The following ROPN1L variants were observed in gnomAD, a reference collection of about 807,000 sequenced individuals.
The protein encoded by ROPN1L is rhophilin associated tail protein 1 like.
A neutral mutation model predicts 22.7 loss-of-function variants in ROPN1L; 23 were observed. The observed-to-expected ratio is 1.01, with a 90% CI of 0.73 to 1.43. The LOEUF is 1.43. ROPN1L is among the 40% of genes most tolerant of loss of function. ROPN1L has a pLI of 0.00. For missense variants in ROPN1L, 271 were observed against 291.5 expected (o/e 0.93, Z 0.51); for synonymous variants, 116 against 117.8 (o/e 0.98, Z 0.10).
chr5:10,459,010 A>G (rs1359974235), intron 3 of ROPN1L, among the ~76,000 whole-genome samples: 1 of 146,292 alleles, frequency 6.8e-6, no homozygotes, highest in East Asian at 2.0e-4. Context: ...CATGCTCCCA[A>G]GTCTCCTCCG....
chr5:10,448,726 G>A (rs987548286), intron 2 of ROPN1L, among the ~76,000 whole-genome samples: 2 of 152,224 alleles, frequency 1.3e-5, no homozygotes, highest in African/African-American at 4.8e-5. Flanking sequence ...TTTCCAGTCC[G>A]TTCTCCAGGT....
the ROPN1L span, among the ~76,000 whole-genome samples, chr5:10,480,313 C>T: frequency 7.2e-5 from 11 of 152,078 alleles, no homozygotes; most frequent in East Asian, 1.9e-4. Context: ...GCAATTGATG[C>T]GCAGCCAGAC....
chr5:10,448,708 C>G (rs188347123), intron 2 of ROPN1L, among the ~76,000 whole-genome samples: 1 of 152,272 alleles, frequency 6.6e-6, no homozygotes, highest in African/African-American at 2.4e-5. Context: ...ATTTCAGAAC[C>G]TGGGGGGTTT....
At chr5:10,477,942 A>T in the ROPN1L span, 7 of 152,240 alleles carry the variant, frequency 4.6e-5, no homozygotes, top group Non-Finnish European at 8.8e-5. Context: ...AAAAGAAAAA[A>T]AACTATTCAA....
rs1253001798 is a variant in ROPN1L at position 10,444,843 on chromosome 5, G to C, written c.131+2545G>C. ...GAAACCGGGAAGCAGAGGTTGCAGT[G>C]AGCCAAGATCGTGCCACTGCACTCC... On this transcript the variant is annotated intron_variant, in intron 1 of 4. Coordinates refer to ENST00000274134, the MANE Select transcript of ROPN1L (RefSeq NM_031916.5). Among the ~76,000 whole-genome samples, 15 of 151,774 alleles carry C rather than the reference G, an allele frequency of 9.9e-5. No individual in the cohort carries two copies. In the South Asian group the frequency reaches 3.1e-3, roughly 32 times the overall value.
chr5:10,455,404 A>G (rs1741385297), intron 3 of ROPN1L, among the ~76,000 whole-genome samples: 1 of 152,194 alleles, frequency 6.6e-6, no homozygotes. Flanking sequence ...GCCTGAGGCC[A>G]CAGGCGTGTT....
At chr5:10,470,587 G>T (rs1735230251) in intron 4 of ROPN1L, among the ~76,000 whole-genome samples, 1 of 152,206 alleles carries the variant, frequency 6.6e-6, no homozygotes, top group South Asian at 2.1e-4. Flanking sequence ...CTGTTTCCTG[G>T]AACCTTCATG....
chr5:10,455,189 G>A (rs1464408822), intron 3 of ROPN1L, among the ~76,000 whole-genome samples: 1 of 152,192 alleles, frequency 6.6e-6, no homozygotes, highest in Non-Finnish European at 1.5e-5. Context: ...GTGGTTCCCT[G>A]TTGGTCCGAT....
intron 4 of ROPN1L, among the ~76,000 whole-genome samples, chr5:10,471,591 C>T (rs546764574): frequency 6.6e-6 from 1 of 152,284 alleles, no homozygotes; most frequent in Non-Finnish European, 1.5e-5. Flanking sequence ...AGGGTGCAGG[C>T]CCCTGGGCTG....
chr5:10,477,981 A>G, the ROPN1L span: 2 of 152,232 alleles, frequency 1.3e-5, no homozygotes, highest in African/African-American at 4.8e-5. Context: ...TCTCTGTTGA[A>G]GGAAGCTTTA....
At chr5:10,451,253 C>A (rs1302298394) in intron 3 of ROPN1L, among the ~76,000 whole-genome samples, 1 of 152,184 alleles carries the variant, frequency 6.6e-6, no homozygotes, top group Admixed American at 6.5e-5. Flanking sequence ...AAACAAATTA[C>A]TTGAAATGGG....
chr5:10,465,739 C>T (rs980261360), downstream of ROPN1L, among the ~76,000 whole-genome samples: 1 of 151,836 alleles, frequency 6.6e-6, no homozygotes, highest in Non-Finnish European at 1.5e-5. Flanking sequence ...GTAATCCCAG[C>T]TACTCAGGAG....
chr5:10,481,451 C>T, the ROPN1L span, among the ~76,000 whole-genome samples: 3 of 152,132 alleles, frequency 2.0e-5, no homozygotes, highest in Non-Finnish European at 4.4e-5. Context: ...AGTGTGAAAA[C>T]CCAATAGAGG....
chr5:10,452,319 G>GTGTGTC (rs1561171152), intron 3 of ROPN1L, among the ~76,000 whole-genome samples: 1 of 144,106 alleles, frequency 6.9e-6, no homozygotes, highest in African/African-American at 2.8e-5. Flanking sequence ...GTGTGTCTGT[G>GTGTGTC]TGTGTGTGTG....
the ROPN1L span, among the ~76,000 whole-genome samples, chr5:10,477,682 C>G: frequency 6.6e-6 from 1 of 152,178 alleles, no homozygotes. Flanking sequence ...GTAATTCCAG[C>G]ACTTTGGGAG....
chr5:10,469,857 G>A (rs182825187), downstream of ROPN1L, among the ~76,000 whole-genome samples: 133 of 152,376 alleles, frequency 8.7e-4, no homozygotes, highest in Admixed American at 3.0e-3. Context: ...GCATGGTGGA[G>A]TTCTGAGGTG....
At chr5:10,459,930 A>ATG (rs1734983809) in intron 3 of ROPN1L, among the ~76,000 whole-genome samples, 1 of 152,152 alleles carries the variant, frequency 6.6e-6, no homozygotes, top group African/African-American at 2.4e-5. Context: ...GGCTGTTGCC[A>ATG]TGTGTGTGTG....
downstream of ROPN1L, among the ~76,000 whole-genome samples, chr5:10,473,735 C>T (rs1156614273): frequency 6.6e-6 from 1 of 152,106 alleles, no homozygotes; most frequent in African/African-American, 2.4e-5. Flanking sequence ...AATAACAGCC[C>T]TTTAAGGAAT....
Position 10,461,246 on chromosome 5 carries a change from C to A in ROPN1L, c.480C>A (p.Pro160=), listed in dbSNP as rs572375972. The A allele has an allele frequency of 1.9e-6, 3 of 1,614,166 alleles. No individual in the cohort carries two copies. Among genetic ancestry groups the A allele is most frequent in the East Asian group, 2.2e-5 (1 of 44,872 alleles). The change falls in exon 4 of 5, where the codon CCC becomes CCA. Residue 160 remains proline, a synonymous_variant. Coordinates refer to ENST00000274134, the MANE Select transcript of ROPN1L (RefSeq NM_031916.5). The part of the protein sequence containing the change: ...EILTDDPEGG[P]ARIPFKTFSY... ...TCACGGACGATCCGGAGGGCGGGCC[C>A]GCTCGCATCCCCTTCAAGACGTTTT...
Sources: gnomAD v4.1 joint callset for allele counts (sites outside exome capture counted in the v4.1 genomes callset) on GRCh38, gnomAD v4.1.1 for gene constraint, MANE v1.5 for transcripts, NCBI Gene and HGNC (gene_info 2026-07-23, HGNC 2026-07-21) for gene names.